SLC13A5: variants seen among roughly 807,000 people sequenced by gnomAD.
SLC13A5 encodes Na(+)/citrate cotransporter.
In SLC13A5, 25 loss-of-function variants were observed where a neutral mutation model predicts 56.5. The ratio of observed to expected loss-of-function variants is 0.44; its 90% confidence interval spans 0.32 to 0.62. SLC13A5 has a LOEUF of 0.62. Ranked by LOEUF, SLC13A5 falls within the 20% of genes least tolerant of loss-of-function variation. The pLI, the probability that SLC13A5 is intolerant of heterozygous loss-of-function variation, is 0.04. For synonymous variants in SLC13A5, 307 were observed against 301.5 expected (o/e 1.02, Z -0.19); for missense variants, 649 against 737.8 (o/e 0.88, Z 1.39).
rs1433748629 is a variant in SLC13A5, at chr17:6,687,335, G to T, written c.1575+194C>A. The T allele has an allele frequency of 8.3e-6, 6 of 725,438 alleles. No individual in the cohort carries two copies. Among genetic ancestry groups the T allele is most frequent in the Middle Eastern group, 3.5e-4 (1 of 2,830 alleles). The allele number at this position is 725,438 out of a possible 1,614,324, so 44.9% of individuals were successfully genotyped here. On this transcript the variant is annotated intron_variant, in intron 11 of 11. Transcript: ENST00000433363. The surrounding 1 kb of genome is among the most constrained non-coding windows in gnomAD (Gnocchi z 5.0). ...ACCCACCTCAGAGAAAGAACAGTGT[G>T]TGAGGCTTGAGATCATCTCAGAAAA...
At chr17:6,702,798 G>A (rs1462855664) in intron 5 of SLC13A5, among the ~76,000 whole-genome samples, 172 bp downstream of exon 5, 1 of 152,096 alleles carries the variant, frequency 6.6e-6, no homozygotes, top group Non-Finnish European at 1.5e-5. Flanking sequence ...AGGGGTGCCA[G>A]GACACAGAGG....
At chr17:6,706,967 G>T in intron 2 of SLC13A5, 61 bp downstream of exon 2, 1 of 1,605,700 alleles carries the variant, frequency 6.2e-7, no homozygotes, top group Non-Finnish European at 8.5e-7. Context: ...TCACAGTGGG[G>T]ACTAGAGAAA....
At chr17:6,697,273 A>G (rs960639931) in intron 6 of SLC13A5, among the ~76,000 whole-genome samples, 6 of 152,174 alleles carry the variant, frequency 3.9e-5, no homozygotes, top group Non-Finnish European at 7.3e-5. Flanking sequence ...GGTTTCCAGC[A>G]TAAGGGGTGA....
At chr17:6,694,891 C>T (rs1318849538) in intron 7 of SLC13A5, among the ~76,000 whole-genome samples, 2 of 152,184 alleles carry the variant, frequency 1.3e-5, no homozygotes, top group African/African-American at 4.8e-5. Flanking sequence ...CATCTTCTGC[C>T]TTTTCTAGGA....
chr17:6,687,690 A>T lies in SLC13A5; in HGVS notation c.1438-24T>A. ...GACTGCGGAAAAACAGCACTGCAACATCACCGTACAGAACACAGAAGCTCT... is the reference window on the plus strand; with the variant it reads ...GACTGCGGAAAAACAGCACTGCAACTTCACCGTACAGAACACAGAAGCTCT... On this transcript the variant is annotated intron_variant, in intron 10 of 11. Coordinates refer to ENST00000433363, the MANE Select transcript of SLC13A5 (RefSeq NM_177550.5). This position sits in a 1 kb window ranked among gnomAD's most constrained non-coding sequence, Gnocchi z 5.0. 2 of 1,580,412 alleles carry T rather than the reference A, an allele frequency of 1.3e-6. No individual in the cohort carries two copies. The highest frequency in any genetic ancestry group is 8.6e-7 in the Non-Finnish European group (1 of 1,164,766).
intron 2 of SLC13A5, 115 bp from the exon 3 acceptor site, chr17:6,706,893 G>T: frequency 1.3e-6 from 2 of 1,558,260 alleles, no homozygotes; most frequent in Non-Finnish European, 1.7e-6. Context: ...GGCTCGAGTG[G>T]TGTCTCCCTG....
intron 11 of SLC13A5, chr17:6,686,671 A>C (rs1597652041): frequency 7.2e-6 from 2 of 278,978 alleles, no homozygotes; most frequent in South Asian, 4.8e-5. Flanking sequence ...TTCATTGCTC[A>C]CCCCAGTGCC....
In SLC13A5 at chr17:6,704,037, C is replaced by T. The variant is rs376255564; in HGVS notation, c.388G>A (p.Gly130Ser). The T allele has an allele frequency of 5.6e-6, 9 of 1,611,974 alleles. No individual in the cohort carries two copies. In the African/African-American group the frequency reaches 1.1e-4, roughly 19 times the overall value. ...CACATGGACAGGAGGGCTGTGACGC[C>T]CATGAAGCCCAGCATCAGCCTGCAG... ...KPARLMLGFM[G>S]VTALLSMWIS... The change falls in exon 4 of 12, where the codon GGC (glycine) becomes AGC (serine). Residue 130 changes from glycine (G) to serine (S), a missense_variant. Gly to Ser is a moderately conservative substitution (Grantham distance 56, BLOSUM62 0). Transcript: ENST00000433363.
At chr17:6,694,423 C>T (rs1291928297) in intron 7 of SLC13A5, among the ~76,000 whole-genome samples, 1 of 152,078 alleles carries the variant, frequency 6.6e-6, no homozygotes, top group Non-Finnish European at 1.5e-5. Context: ...TCAAGACCAG[C>T]CTGGCCAACA....
intron 11 of SLC13A5, 185 bp from the exon 12 acceptor site, chr17:6,686,523 T>C: frequency 1.5e-6 from 1 of 654,778 alleles, no homozygotes; most frequent in Non-Finnish European, 2.6e-6. Flanking sequence ...GCTCAAGGCA[T>C]CCCTGGGAAG....
intron 1 of SLC13A5, among the ~76,000 whole-genome samples, chr17:6,710,676 T>C (rs1973996435): frequency 3.3e-5 from 5 of 151,890 alleles, no homozygotes. Flanking sequence ...GAGGGCAGGA[T>C]GGGAAGCGGA....
Position 6,695,937 on chromosome 17 carries a change from T to G in SLC13A5, c.844A>C (p.Lys282Gln). 6.2e-7 allele frequency: 1 copy of G among 1,613,706 alleles called. No homozygotes were observed. Reference protein sequence around the residue: ...LQFVYMRFNFKKSWGCGLESK... With the variant: ...LQFVYMRFNFQKSWGCGLESK... ...TCTAGCCCGCAGCCCCAGGACTTTT[T>G]AAAACTGGAGAATGCAAAGATGAGA... The change falls in exon 7 of 12, where the codon AAA (lysine) becomes CAA (glutamine). Residue 282 changes from lysine to glutamine, a missense_variant. Physicochemically the swap from Lys to Gln is moderately conservative, Grantham distance 53. Transcript: ENST00000433363.
chr17:6,700,601 C>T (rs955639194), intron 6 of SLC13A5, among the ~76,000 whole-genome samples: 4 of 152,158 alleles, frequency 2.6e-5, no homozygotes, highest in African/African-American at 9.7e-5. Flanking sequence ...GTGCTGGGAG[C>T]TGTGCGGGGT....
intron 11 of SLC13A5, 195 bp from the exon 12 acceptor site, chr17:6,686,533 G>A: frequency 6.5e-6 from 4 of 611,812 alleles, no homozygotes; most frequent in Non-Finnish European, 1.1e-5. Context: ...TCCCTGGGAA[G>A]TAGGCAGAGT....
Position 6,687,995 on chromosome 17 carries a change from G to A in SLC13A5, c.1438-329C>T, listed in dbSNP as rs529202111. 1.1e-5 allele frequency: 2 copies of A among 187,762 alleles called. No individual in the cohort carries two copies. Among genetic ancestry groups the A allele is most frequent in the Non-Finnish European group, 2.2e-5 (2 of 91,940 alleles). The allele number at this position is 187,762 out of a possible 1,614,324, so 11.6% of individuals were successfully genotyped here. On this transcript the variant is annotated intron_variant, in intron 10 of 11. Transcript: ENST00000433363. This position sits in a 1 kb window ranked among gnomAD's most constrained non-coding sequence, Gnocchi z 5.0. The stretch of plus-strand genomic sequence containing the variant: ...CCGCGTGCACATGTCTGTCTGTCTT[G>A]CCACAGACTGAGAGAGCCTAGAGGC...
In SLC13A5 at chr17:6,685,848, C is replaced by CGTT; in HGVS notation, c.*358_*359insAAC. On this transcript the variant is annotated 3_prime_UTR_variant, in exon 12 of 12. Coordinates refer to ENST00000433363, the MANE Select transcript of SLC13A5 (RefSeq NM_177550.5). The surrounding 1 kb of genome is among the most constrained non-coding windows in gnomAD (Gnocchi z 4.2). ...CCCATTTAAACTATCTAGGACGAAGCGAGTGAAAACCAGAGCCCTGTGTGG... is the reference window on the plus strand; with the variant it reads ...CCCATTTAAACTATCTAGGACGAAGCGTTGAGTGAAAACCAGAGCCCTGTGTGG... The CGTT allele has an allele frequency of 7.3e-6, 2 of 272,476 alleles. No individual in the cohort carries two copies. Among genetic ancestry groups the CGTT allele is most frequent in the South Asian group, 5.2e-5 (1 of 19,402 alleles). The allele number at this position is 272,476 out of a possible 1,614,324, so 16.9% of individuals were successfully genotyped here.
chr17:6,703,167 G>A (rs772257009), intron 4 of SLC13A5, 29 bp from the exon 5 acceptor site: 1 of 1,612,598 alleles, frequency 6.2e-7, no homozygotes, highest in South Asian at 1.1e-5. Context: ...TGTTAGCTGA[G>A]CCAGTCATGG....
At position 6,701,072 on chromosome 17, in the gene SLC13A5, G is replaced by A. The variant is rs1042746956; in HGVS notation, c.771C>T (p.Ala257=). 57 of 1,614,106 alleles carry A rather than the reference G, an allele frequency of 3.5e-5. No homozygotes were observed. The highest frequency in any genetic ancestry group is 4.5e-5 in the Non-Finnish European group (53 of 1,180,048). ...GCAGCATCACCAGCATGTTGGGAAA[G>A]GCAAATGCAAACCAGGAAGCAAAGT... The part of the protein sequence containing the change: ...LVNFASWFAF[A]FPNMLVMLLF... The change falls in exon 6 of 12, where the codon GCC becomes GCT. Residue 257 remains alanine (A), a synonymous_variant. Transcript: ENST00000433363. The surrounding 1 kb of genome is among the most constrained non-coding windows in gnomAD (Gnocchi z 4.1).
At chr17:6,694,871 T>A in intron 7 of SLC13A5, among the ~76,000 whole-genome samples, 1 of 152,224 alleles carries the variant, frequency 6.6e-6, no homozygotes, top group Non-Finnish European at 1.5e-5. Flanking sequence ...TACCAGCATC[T>A]CCCTGCCCAC....
Sources: allele counts gnomAD v4.1 joint callset (sites outside exome capture counted in the v4.1 genomes callset), GRCh38; gene constraint gnomAD v4.1.1; non-coding constraint Gnocchi (gnomAD v3.1); transcripts MANE v1.5; gene names NCBI Gene and HGNC (gene_info 2026-07-23, HGNC 2026-07-21).